The following SWT1 variants were observed in gnomAD, a reference collection of about 807,000 sequenced individuals.
SWT1 encodes the protein transcriptional protein SWT1.
In SWT1, 33 loss-of-function variants were observed where a neutral mutation model predicts 107.3. The observed-to-expected ratio is 0.31, with a 90% confidence interval of 0.23 to 0.41. The LOEUF is 0.41. Among genes scored for constraint, SWT1 ranks in the 10% least tolerant of loss-of-function variants. The pLI, the probability that SWT1 is intolerant of heterozygous loss-of-function variation, is 1.00. For synonymous variants in SWT1, 345 were observed against 348.3 expected, an observed-to-expected ratio of 0.99 and a Z score of 0.11; for missense variants, 898 against 1,028.9, an observed-to-expected ratio of 0.87 and a Z score of 1.74.
chr1:185,271,499 T>C (rs986733481), intron 17 of SWT1, 110 bp downstream of exon 17: 3 of 617,462 alleles, frequency 4.9e-6, no homozygotes, highest in Admixed American at 3.1e-5. Context: ...TTAATTGATA[T>C]TTGCTTTAAA....
intron 15 of SWT1, among the ~76,000 whole-genome samples, chr1:185,225,809 G>C (rs1468928924): frequency 6.6e-6 from 1 of 152,116 alleles, no homozygotes; most frequent in Non-Finnish European, 1.5e-5. Flanking sequence ...TGACACGACT[G>C]TATTACTGTT....
At chr1:185,181,843 C>A in intron 6 of SWT1, 103 bp from the exon 7 acceptor site, 1 of 1,281,724 alleles carries the variant, frequency 7.8e-7, no homozygotes, top group South Asian at 1.4e-5. Flanking sequence ...TTTTTTCTTT[C>A]CATAAACCAT....
intron 18 of SWT1, among the ~76,000 whole-genome samples, chr1:185,283,304 CTT>C (rs1664751639): frequency 6.6e-6 from 1 of 152,200 alleles, no homozygotes; most frequent in Non-Finnish European, 1.5e-5. Flanking sequence ...TTTTTAGACT[CTT>C]TGAAGTAGCT....
intron 2 of SWT1, among the ~76,000 whole-genome samples, chr1:185,165,997 C>G (rs1654537816): frequency 6.6e-6 from 1 of 152,220 alleles, no homozygotes; most frequent in Non-Finnish European, 1.5e-5. Flanking sequence ...TTTCCTTTCT[C>G]TGCTTTACTG....
At chr1:185,216,123 A>G (rs1659197579) in intron 14 of SWT1, among the ~76,000 whole-genome samples, 1 of 152,212 alleles carries the variant, frequency 6.6e-6, no homozygotes, top group African/African-American at 2.4e-5. Context: ...TACTTACTTC[A>G]TGGAGTAAAG....
intron 18 of SWT1, among the ~76,000 whole-genome samples, chr1:185,287,789 G>A (rs780693650): frequency 7.2e-5 from 11 of 152,200 alleles, no homozygotes; most frequent in Non-Finnish European, 1.2e-4. Flanking sequence ...ATGAAAAACA[G>A]CCAATACTTT....
At chr1:185,228,205 A>ACTGT (rs1660242152) in intron 15 of SWT1, among the ~76,000 whole-genome samples, 1 of 141,402 alleles carries the variant, frequency 7.1e-6, no homozygotes, top group African/African-American at 2.7e-5. Flanking sequence ...ATATATACTC[A>ACTGT]GTATGTTTTT....
At chr1:185,185,873 G>A (rs996459552) in intron 9 of SWT1, among the ~76,000 whole-genome samples, 1 of 152,032 alleles carries the variant, frequency 6.6e-6, no homozygotes, top group Non-Finnish European at 1.5e-5. Context: ...CAGATATAAT[G>A]CTTATGAATT....
At chr1:185,187,105 T>C (rs1410041886) in intron 9 of SWT1, among the ~76,000 whole-genome samples, 1 of 140,864 alleles carries the variant, frequency 7.1e-6, no homozygotes, top group Non-Finnish European at 1.5e-5. Flanking sequence ...CAGGCTGGAG[T>C]GCAATGGTGT....
intron 13 of SWT1, among the ~76,000 whole-genome samples, chr1:185,208,742 C>CTTTTTTTTT (rs11444869): frequency 7.0e-6 from 1 of 142,762 alleles, no homozygotes. Context: ...CGATGAATAT[C>CTTTTTTTTT]TTTTTTTTTT....
intron 18 of SWT1, among the ~76,000 whole-genome samples, chr1:185,282,329 A>G (rs145589404): frequency 7.9e-5 from 12 of 152,012 alleles, no homozygotes; most frequent in African/African-American, 2.7e-4. Context: ...CTTGGGATCC[A>G]GCTTTATATT....
Position 185,206,717 on chromosome 1 carries a change from G to T in SWT1, c.1926G>T (p.Lys642Asn), listed in dbSNP as rs769272243. Residue 642 changes from lysine (K) to asparagine (N), a missense_variant, in exon 13 of 19, where the codon AAG becomes AAT. Physicochemically the swap from Lys to Asn is moderately conservative, Grantham distance 94. Coordinates refer to ENST00000367500, the MANE Select transcript of SWT1 (RefSeq NM_017673.7). ...CTGTATTTGGATTAGTTATGGAAAA[G>T]AACTTGCTTTTAACTATTGAGAGCC... ...WLAVFGLVME[K>N]NLLLTIESLY... is the part of the protein sequence containing the mutation. The T allele has an allele frequency of 1.4e-5, 23 of 1,608,310 alleles. No individual in the cohort carries two copies. In the Admixed American group the frequency reaches 1.9e-4, roughly 13 times the overall value.
chr1:185,266,694 G>T, intron 16 of SWT1: 1 of 145,804 alleles, frequency 6.9e-6, no homozygotes, highest in East Asian at 2.0e-4. Flanking sequence ...GAGATATATT[G>T]ATTTGTATTT....
At chr1:185,259,592 G>A (rs373855406) in intron 16 of SWT1, among the ~76,000 whole-genome samples, 2 of 151,990 alleles carry the variant, frequency 1.3e-5, no homozygotes, top group East Asian at 1.9e-4. Flanking sequence ...TATAAATTGA[G>A]TGACTCCTAG....
At chr1:185,285,474 T>C (rs1437850366) in intron 18 of SWT1, among the ~76,000 whole-genome samples, 3 of 152,230 alleles carry the variant, frequency 2.0e-5, no homozygotes, top group African/African-American at 7.2e-5. Context: ...TTTGCACATA[T>C]TTTCTCCCAC....
At chr1:185,248,818 TA>T (rs1221268463) in intron 16 of SWT1, among the ~76,000 whole-genome samples, 2 of 151,984 alleles carry the variant, frequency 1.3e-5, no homozygotes, top group Non-Finnish European at 2.9e-5. Context: ...AGCAGTTTTT[TA>T]TGCTAAACCA....
At chr1:185,159,530 C>T (rs982751773) in intron 1 of SWT1, among the ~76,000 whole-genome samples, 2 of 151,900 alleles carry the variant, frequency 1.3e-5, no homozygotes, top group African/African-American at 4.8e-5. Flanking sequence ...GTTAATATTC[C>T]AAGGAAGAAG....
At chr1:185,223,809 C>T (rs1659853677) in intron 15 of SWT1, among the ~76,000 whole-genome samples, 1 of 152,174 alleles carries the variant, frequency 6.6e-6, no homozygotes, top group Non-Finnish European at 1.5e-5. Context: ...CACCTTCCAC[C>T]CTCCAATAGG....
intron 5 of SWT1, 100 bp from the exon 6 acceptor site, chr1:185,180,291 A>G: frequency 2.2e-6 from 2 of 928,678 alleles, no homozygotes; most frequent in African/African-American, 1.6e-5. Flanking sequence ...GGCAACCCCT[A>G]AAGTGAATTA....
Sources: gnomAD v4.1 joint callset for allele counts (sites outside exome capture counted in the v4.1 genomes callset) on GRCh38, gnomAD v4.1.1 for gene constraint, MANE v1.5 for transcripts, NCBI Gene and HGNC (gene_info 2026-07-23, HGNC 2026-07-21) for gene names.